Variants in PCM1 observed in about 807,000 individuals in gnomAD.
PCM1 encodes the protein pericentriolar material 1.
Under a neutral mutation model 241.9 loss-of-function variants are expected in PCM1, and 157 were observed. That is an observed-to-expected ratio of 0.65 (90% confidence interval 0.57 to 0.74). The LOEUF is 0.74. Ranked by LOEUF, PCM1 falls within the 30% of genes least tolerant of loss-of-function variation. The pLI is 0.00. For missense variants in PCM1, 3,478 were observed against 2,360.1 expected (o/e 1.47, Z -9.81); for synonymous variants, 1,085 against 784.9 (o/e 1.38, Z -6.39).
chr8:17,951,860 A>G (rs1298824116), intron 8 of PCM1, among the ~76,000 whole-genome samples: 1 of 152,196 alleles, frequency 6.6e-6, no homozygotes. Context: ...GACTAAGCAT[A>G]ATGGGAGATA....
intron 23 of PCM1, among the ~76,000 whole-genome samples, chr8:17,976,447 G>A (rs537909097): frequency 6.6e-6 from 1 of 152,312 alleles, no homozygotes; most frequent in Admixed American, 6.5e-5. Flanking sequence ...CCTGAGAGGA[G>A]ATGGGAAACT....
chr8:18,026,475 G>A (rs1027907981), intron 38 of PCM1, among the ~76,000 whole-genome samples: 5 of 151,156 alleles, frequency 3.3e-5, no homozygotes, highest in Admixed American at 1.3e-4. Flanking sequence ...TTACTCAGAT[G>A]GTCTCGATCT....
At chr8:17,960,526 T>G (rs2129467004) in intron 15 of PCM1, 82 bp downstream of exon 15, 1 of 987,186 alleles carries the variant, frequency 1.0e-6, no homozygotes, top group East Asian at 2.7e-5. Flanking sequence ...TTTTTGTTTT[T>G]GTTTTTCTTT....
In PCM1 at chr8:17,957,782, A is replaced by G. The variant is rs1221927758; in HGVS notation, c.2040+7A>G. 13 of 1,578,024 alleles carry G rather than the reference A, an allele frequency of 8.2e-6. No homozygotes were observed. The highest frequency in any genetic ancestry group is 2.7e-5 in the African/African-American group (2 of 74,252). On this transcript the variant is annotated splice_region_variant and intron_variant, in intron 13 of 38. Transcript: ENST00000325083. ...TCTTGTTGCTATGGTACAGGTAAATATTGCTTGGTCTTTTAAAAACCTATT... is the reference window on the plus strand; with the variant it reads ...TCTTGTTGCTATGGTACAGGTAAATGTTGCTTGGTCTTTTAAAAACCTATT...
chr8:17,981,851 G>C (rs924194737), intron 24 of PCM1, among the ~76,000 whole-genome samples: 4 of 151,608 alleles, frequency 2.6e-5, no homozygotes, highest in Admixed American at 1.3e-4. Context: ...CAGAAGTCAT[G>C]CCCTTAATCC....
chr8:17,991,677 G>C lies in PCM1; in HGVS notation c.4667G>C (p.Gly1556Ala). ...IIEDGDGAGAGTTVNNLEETP... is the reference protein window; with the variant it reads ...IIEDGDGAGAATTVNNLEETP... Reference sequence around the variant, plus strand: ...GAGGATGGAGATGGTGCTGGTGCAGGTACTACAGTTAATAATTTAGAAGGT... The same window carrying C: ...GAGGATGGAGATGGTGCTGGTGCAGCTACTACAGTTAATAATTTAGAAGGT... The change falls in exon 28 of 39, where the codon GGT (glycine) becomes GCT (alanine). Residue 1556 changes from glycine to alanine, a missense_variant. By Grantham distance (60) the Gly-to-Ala change is moderately conservative. Transcript: ENST00000325083. 6.4e-7 allele frequency: 1 copy of C among 1,554,106 alleles called. No homozygotes were observed. Among genetic ancestry groups the C allele is most frequent in the Non-Finnish European group, 8.7e-7 (1 of 1,148,624 alleles).
In PCM1 at chr8:17,950,678, T is replaced by C; in HGVS notation, c.1025T>C (p.Leu342Ser). The C allele has an allele frequency of 6.2e-7, 1 of 1,605,088 alleles. No individual in the cohort carries two copies. The highest frequency in any genetic ancestry group is 8.5e-7 in the Non-Finnish European group (1 of 1,174,750). ...VSITSELNEE[L>S]NDLIQRFHNQ... ...ATCACATCTGAACTAAATGAAGAAT[T>C]GAATGACTTAATTCAGCGTTTTCAT... Residue 342 changes from leucine to serine, a missense_variant, in exon 8 of 39, where the codon TTG becomes TCG. Leu to Ser is a moderately radical substitution (Grantham distance 145). Coordinates refer to ENST00000325083, the MANE Select transcript of PCM1 (RefSeq NM_006197.4).
intron 27 of PCM1, among the ~76,000 whole-genome samples, chr8:17,990,500 C>G (rs1323970786): frequency 6.7e-6 from 1 of 148,400 alleles, no homozygotes; most frequent in Non-Finnish European, 1.5e-5. Flanking sequence ...TTTTTTTTTC[C>G]CCCTCTCCCA....
intron 6 of PCM1, among the ~76,000 whole-genome samples, chr8:17,944,916 G>C (rs1225165235): frequency 6.6e-6 from 1 of 152,106 alleles, no homozygotes; most frequent in African/African-American, 2.4e-5. Context: ...TTATGATTAG[G>C]TTATCACAGT....
chr8:17,980,129 A>G (rs2080195784), intron 23 of PCM1: 1 of 152,280 alleles, frequency 6.6e-6, no homozygotes, highest in Admixed American at 6.5e-5. Flanking sequence ...TTTATAGAAT[A>G]TATGTATAAC....
At chr8:17,958,726 T>G (rs1586827191) in intron 13 of PCM1, among the ~76,000 whole-genome samples, 1 of 94,860 alleles carries the variant, frequency 1.1e-5, no homozygotes, top group East Asian at 5.1e-4. Flanking sequence ...GTATTTGTAT[T>G]TATTTATTTT....
At chr8:17,925,496 A>G (rs1473876416) in intron 2 of PCM1, 1 of 152,224 alleles carries the variant, frequency 6.6e-6, no homozygotes, top group Non-Finnish European at 1.5e-5. Flanking sequence ...TAAATAACCT[A>G]AATTTAATTC....
rs950704722 is a variant in PCM1, at chr8:17,966,393, A to C, written c.3141A>C (p.Ala1047=). The C allele has an allele frequency of 6.2e-7, 1 of 1,613,738 alleles. No homozygotes were observed. The highest frequency in any genetic ancestry group is 8.5e-7 in the Non-Finnish European group (1 of 1,179,658). The change falls in exon 20 of 39, where the codon GCA becomes GCC. Residue 1047 remains alanine, a synonymous_variant. Coordinates refer to ENST00000325083, the MANE Select transcript of PCM1 (RefSeq NM_006197.4). ...GPYSVMPSNV[A]SPQVHFIMHQ... is the part of the protein sequence containing the mutation. ...ACAGTGTTATGCCCAGCAATGTTGC[A>C]TCTCCTCAAGTACACTTCATAATGC...
In PCM1 at chr8:17,926,000, T is replaced by G. The variant is rs575060918; in HGVS notation, c.-23+1220T>G. 5.8e-4 allele frequency: 86 copies of G among 148,918 alleles called. 1 individual carries two copies. The East Asian group carries it at 6.3e-3, about 11-fold the overall frequency. 9.2% of individuals were successfully genotyped at this position (148,918 alleles called of 1,614,324 possible). On this transcript the variant is annotated intron_variant, in intron 2 of 38. Coordinates refer to ENST00000325083, the MANE Select transcript of PCM1 (RefSeq NM_006197.4). ...ATCTTAATTATAATTCTCAGTGGGT[T>G]TTTTTTTTTTTAAACTGGAAGACTA...
In PCM1 at chr8:17,935,669, G is replaced by A; in HGVS notation, c.59G>A (p.Trp20Ter). 1 of 1,544,690 alleles carries A rather than the reference G, an allele frequency of 6.5e-7. No homozygotes were observed. Among genetic ancestry groups the A allele is most frequent in the Non-Finnish European group, 9.0e-7 (1 of 1,117,110 alleles). Residue 20 changes from tryptophan to a stop codon, truncating the protein, a stop_gained, in exon 3 of 39, where the codon TGG becomes TAG. Transcript: ENST00000325083. LOFTEE classifies it high-confidence loss of function. The stretch of plus-strand genomic sequence containing the variant: ...ATGAATGATCAGGATTTACCAAACT[G>A]GAGTAATGAGAATGTTGATGACAGG... ...DGMNDQDLPN[W>*]SNENVDDRLN...
At chr8:17,956,831 TATA>T in intron 11 of PCM1, 54 bp downstream of exon 11, 2 of 1,332,774 alleles carry the variant, frequency 1.5e-6, no homozygotes, top group Non-Finnish European at 2.1e-6. Context: ...TCTTGATACT[TATA>T]ATGTGGGAAC....
At chr8:17,946,497 CT>C (rs935611284) in intron 6 of PCM1, among the ~76,000 whole-genome samples, 1 of 146,760 alleles carries the variant, frequency 6.8e-6, no homozygotes, top group African/African-American at 2.5e-5. Context: ...TTTTTTTTTC[CT>C]TTTTTCTTTT....
chr8:18,004,755 C>T (rs892983797), intron 29 of PCM1, among the ~76,000 whole-genome samples: 4 of 152,060 alleles, frequency 2.6e-5, no homozygotes, highest in African/African-American at 4.8e-5. Flanking sequence ...ATGTATTCTC[C>T]TCCTTAGAGT....
At position 18,015,111 on chromosome 8, in the gene PCM1, A is replaced by G. The variant is rs912957196; in HGVS notation, c.5841+271A>G. Reference sequence around the variant, plus strand: ...TTCGGCTCTGAAGTGGTAATGATGCATGAATCCTCCTTTATCCTTTATACT... The same window carrying G: ...TTCGGCTCTGAAGTGGTAATGATGCGTGAATCCTCCTTTATCCTTTATACT... On this transcript the variant is annotated intron_variant, in intron 36 of 38. Coordinates refer to ENST00000325083, the MANE Select transcript of PCM1 (RefSeq NM_006197.4). 3.3e-5 allele frequency among the ~76,000 whole-genome samples: 5 copies of G among 152,356 alleles called. No individual in the cohort carries two copies. In the Middle Eastern group the frequency reaches 0.01, roughly 311 times the overall value.
Sources: allele counts gnomAD v4.1 joint callset (sites outside exome capture counted in the v4.1 genomes callset), GRCh38; gene constraint gnomAD v4.1.1; transcripts MANE v1.5; gene names NCBI Gene and HGNC (gene_info 2026-07-23, HGNC 2026-07-21).